Variants in INPP4B observed in about 807,000 individuals in gnomAD.
The protein encoded by INPP4B is inositol polyphosphate 4-phosphatase type II.
In INPP4B, 55 loss-of-function variants were observed where a neutral mutation model predicts 122.5. That is an observed-to-expected ratio of 0.45 (90% confidence interval 0.36 to 0.56). The LOEUF is 0.56. Ranked by LOEUF, INPP4B falls within the 20% of genes least tolerant of loss-of-function variation. The pLI, the probability that INPP4B is intolerant of heterozygous loss-of-function variation, is 0.00. For missense variants in INPP4B, 1,000 were observed against 1,097.7 expected, an observed-to-expected ratio of 0.91 and a Z score of 1.26; for synonymous variants, 403 against 388.7, an observed-to-expected ratio of 1.04 and a Z score of -0.43.
intron 2 of INPP4B, among the ~76,000 whole-genome samples, chr4:142,561,491 T>C (rs1343605996): frequency 6.6e-6 from 1 of 152,196 alleles, no homozygotes; most frequent in Non-Finnish European, 1.5e-5. Flanking sequence ...CGATCTCAGC[T>C]CACTGCAACC....
At chr4:142,344,771 T>A (rs1191674963) in intron 7 of INPP4B, among the ~76,000 whole-genome samples, 1 of 151,952 alleles carries the variant, frequency 6.6e-6, no homozygotes, top group East Asian at 1.9e-4. Flanking sequence ...GGACATAGGT[T>A]TAGTACCTGG....
chr4:142,820,264 G>A (rs1022786549), intron 1 of INPP4B, among the ~76,000 whole-genome samples: 7 of 152,236 alleles, frequency 4.6e-5, no homozygotes, highest in African/African-American at 9.6e-5. Flanking sequence ...GATTCCCCAC[G>A]AGTAGATGCC....
At position 142,324,665 on chromosome 4, in the gene INPP4B, C is replaced by T. The variant is rs115955200; in HGVS notation, c.373-9903G>A. Reference sequence around the variant, plus strand: ...TCTGTGAATACCTCCAGGTGAAAAACGGCTTTTTAGTTTCTCAGTGTCAAC... The same window carrying T: ...TCTGTGAATACCTCCAGGTGAAAAATGGCTTTTTAGTTTCTCAGTGTCAAC... On this transcript the variant is annotated intron_variant, in intron 7 of 25. Transcript: ENST00000262992. 4.2e-3 allele frequency among the ~76,000 whole-genome samples: 646 copies of T among 152,198 alleles called. 8 individuals carry two copies. The highest frequency in any genetic ancestry group is 0.014 in the African/African-American group (598 of 41,530).
At position 142,488,735 on chromosome 4, in the gene INPP4B, T is replaced by C. The variant is rs1821489088; in HGVS notation, c.-190-26009A>G. 2.0e-5 allele frequency among the ~76,000 whole-genome samples: 3 copies of C among 152,142 alleles called. No individual in the cohort carries two copies. In the South Asian group the frequency reaches 6.2e-4, roughly 31 times the overall value. On this transcript the variant is annotated intron_variant, in intron 2 of 25. Transcript: ENST00000262992. ...ATATCTTTAGCATATTTGTCTTCTC[T>C]GTCAAACCCAGTATTGGTATTGTGT...
chr4:142,581,448 C>G (rs1735035101), intron 2 of INPP4B, among the ~76,000 whole-genome samples: 1 of 151,622 alleles, frequency 6.6e-6, no homozygotes, highest in Non-Finnish European at 1.5e-5. Context: ...CAGTGGACAA[C>G]AATTATTCAT....
At chr4:142,131,245 A>G (rs72933282) in intron 18 of INPP4B, among the ~76,000 whole-genome samples, 1 of 152,288 alleles carries the variant, frequency 6.6e-6, no homozygotes, top group African/African-American at 2.4e-5. Context: ...GAAATTATCA[A>G]TATGTCTACA....
At chr4:142,043,304 T>A (rs1170331272) in intron 25 of INPP4B, among the ~76,000 whole-genome samples, 1 of 152,186 alleles carries the variant, frequency 6.6e-6, no homozygotes, top group Admixed American at 6.5e-5. Flanking sequence ...TGGAATAACA[T>A]GTACATGGCT....
At position 142,570,775 on chromosome 4, in the gene INPP4B, C is replaced by T. The variant is rs528467143; in HGVS notation, c.-190-108049G>A. 1.3e-4 allele frequency among the ~76,000 whole-genome samples: 20 copies of T among 152,002 alleles called. No homozygotes were observed. In the South Asian group the frequency reaches 3.9e-3, roughly 30 times the overall value. The stretch of plus-strand genomic sequence containing the variant: ...CCACCCATTGCATACCTGTAGCACA[C>T]CCAACCCTAATGTTAATGAATTTTA... On this transcript the variant is annotated intron_variant, in intron 2 of 25. Transcript: ENST00000262992.
chr4:142,199,831 G>C (rs1020530029), intron 14 of INPP4B, among the ~76,000 whole-genome samples: 1 of 152,000 alleles, frequency 6.6e-6, no homozygotes, highest in Non-Finnish European at 1.5e-5. Flanking sequence ...TGTATGTTTC[G>C]GTACTACTTT....
At chr4:142,771,518 T>G (rs1338381926) in intron 1 of INPP4B, among the ~76,000 whole-genome samples, 1 of 152,030 alleles carries the variant, frequency 6.6e-6, no homozygotes. Context: ...GATGGTGGCT[T>G]GGAACAAAGC....
At chr4:142,368,343 TCTAAAA>T (rs1300712703) in intron 7 of INPP4B, among the ~76,000 whole-genome samples, 1 of 152,228 alleles carries the variant, frequency 6.6e-6, no homozygotes, top group Admixed American at 6.5e-5. Flanking sequence ...ATTCAGTGTC[TCTAAAA>T]CCAAATAATA....
At chr4:142,449,210 G>A (rs1029493387) in intron 3 of INPP4B, among the ~76,000 whole-genome samples, 3 of 152,146 alleles carry the variant, frequency 2.0e-5, no homozygotes, top group Admixed American at 1.3e-4. Flanking sequence ...AGTTAGTGAT[G>A]TTCTCCTCTT....
intron 2 of INPP4B, among the ~76,000 whole-genome samples, chr4:142,723,175 A>G (rs1328430525): frequency 1.3e-5 from 2 of 152,238 alleles, no homozygotes; most frequent in African/African-American, 4.8e-5. Context: ...GAAAGCCTAA[A>G]TATAGTAAAC....
chr4:142,650,587 T>C (rs1054503389), intron 2 of INPP4B, among the ~76,000 whole-genome samples: 13 of 147,086 alleles, frequency 8.8e-5, no homozygotes, highest in Non-Finnish European at 1.9e-4. Flanking sequence ...TCTGATGAAA[T>C]AGACTTGAAA....
At chr4:142,246,051 T>A (rs1579429147) in intron 11 of INPP4B, among the ~76,000 whole-genome samples, 5 of 52,526 alleles carry the variant, frequency 9.5e-5, no homozygotes, top group African/African-American at 2.2e-4. Context: ...TATACACACA[T>A]TATATATATG....
chr4:142,686,530 C>G (rs1278841660), intron 2 of INPP4B, among the ~76,000 whole-genome samples: 3 of 152,030 alleles, frequency 2.0e-5, no homozygotes, highest in Non-Finnish European at 4.4e-5. Context: ...AAATACAGGG[C>G]AATAACCACC....
intron 1 of INPP4B, among the ~76,000 whole-genome samples, chr4:142,760,173 C>T (rs1024469188): frequency 2.0e-5 from 3 of 152,090 alleles, no homozygotes; most frequent in African/African-American, 7.2e-5. Flanking sequence ...ACCTACATTT[C>T]TCATTAAGTA....
chr4:142,239,425 T>A (rs1858188488), intron 11 of INPP4B, among the ~76,000 whole-genome samples: 1 of 152,158 alleles, frequency 6.6e-6, no homozygotes, highest in South Asian at 2.1e-4. Context: ...AGCTGTATGC[T>A]CCCAAAGATT....
At chr4:142,554,290 G>A (rs1728652143) in intron 2 of INPP4B, among the ~76,000 whole-genome samples, 2 of 142,056 alleles carry the variant, frequency 1.4e-5, no homozygotes, top group African/African-American at 5.3e-5. Context: ...CTATTAAAAA[G>A]CTTCAAATTG....
Sources: gnomAD v4.1 joint callset for allele counts (sites outside exome capture counted in the v4.1 genomes callset) on GRCh38, gnomAD v4.1.1 for gene constraint, MANE v1.5 for transcripts, NCBI Gene and HGNC (gene_info 2026-07-23, HGNC 2026-07-21) for gene names.